Variants in LHFPL2 observed in about 807,000 individuals in gnomAD.
The protein encoded by LHFPL2 is LHFPL tetraspan subfamily member 2 protein.
In LHFPL2, 7 loss-of-function variants were observed where a neutral mutation model predicts 17.5. The observed-to-expected ratio is 0.40, with a 90% confidence interval of 0.23 to 0.75. The LOEUF is 0.75. LHFPL2 is among the 30% of genes least tolerant of loss of function. The pLI, the probability that LHFPL2 is intolerant of heterozygous loss-of-function variation, is 0.37. For synonymous variants in LHFPL2, 134 were observed against 116.2 expected (o/e 1.15, Z -0.99); for missense variants, 241 against 294.8 (o/e 0.82, Z 1.34).
At position 78,532,588 on chromosome 5, in the gene LHFPL2, T is replaced by A. The variant is rs141950564; in HGVS notation, c.-185-22190A>T. On this transcript the variant is annotated intron_variant, in intron 3 of 4. Coordinates refer to ENST00000380345, the MANE Select transcript of LHFPL2 (RefSeq NM_005779.3). ...ACCTGGAAACAACAAAACTTTTAATTTGTTTAAAGCACCATCATTAGGTTT... is the reference window on the plus strand; with the variant it reads ...ACCTGGAAACAACAAAACTTTTAATATGTTTAAAGCACCATCATTAGGTTT... Among the ~76,000 whole-genome samples, 332 of 152,248 alleles carry A rather than the reference T, an allele frequency of 2.2e-3. 1 individual carries two copies. Among genetic ancestry groups the A allele is most frequent in the African/African-American group, 7.6e-3 (314 of 41,560 alleles).
intron 3 of LHFPL2, among the ~76,000 whole-genome samples, chr5:78,512,926 T>C (rs1173462979): frequency 1.3e-5 from 2 of 152,056 alleles, no homozygotes; most frequent in African/African-American, 4.8e-5. Flanking sequence ...GGCTAAATTT[T>C]TGTATTTTTA....
At position 78,543,620 on chromosome 5, in the gene LHFPL2, G is replaced by C. The variant is rs577806842; in HGVS notation, c.-186+21193C>G. 2.0e-5 allele frequency among the ~76,000 whole-genome samples: 3 copies of C among 152,252 alleles called. No individual in the cohort carries two copies. The East Asian group carries it at 5.8e-4, about 29-fold the overall frequency. On this transcript the variant is annotated intron_variant, in intron 3 of 4. Coordinates refer to ENST00000380345, the MANE Select transcript of LHFPL2 (RefSeq NM_005779.3). The stretch of plus-strand genomic sequence containing the variant: ...CTGGCCTTCTGGCTGCAGGGATGAG[G>C]TCAGGAGCCAGCAAAGCCCAGGGCA...
chr5:78,572,981 T>C (rs1259747664), intron 2 of LHFPL2, among the ~76,000 whole-genome samples: 1 of 152,212 alleles, frequency 6.6e-6, no homozygotes, highest in Non-Finnish European at 1.5e-5. Context: ...ATGCTGCTGC[T>C]GAGCTGACAG....
chr5:78,585,840 TGGGTTG>T (rs1183111792), intron 2 of LHFPL2, among the ~76,000 whole-genome samples: 1 of 151,982 alleles, frequency 6.6e-6, no homozygotes, highest in African/African-American at 2.4e-5. Flanking sequence ...ATGGGGAGAC[TGGGTTG>T]GGGTTGGGGT....
intron 4 of LHFPL2, among the ~76,000 whole-genome samples, 196 bp downstream of exon 4, chr5:78,509,588 G>C (rs552535665): frequency 5.4e-4 from 82 of 152,340 alleles, no homozygotes; most frequent in African/African-American, 1.9e-3. Flanking sequence ...TCTTCCTGTG[G>C]GGTAAGACAG....
chr5:78,553,133 T>C (rs557264061), intron 3 of LHFPL2, among the ~76,000 whole-genome samples: 7 of 152,278 alleles, frequency 4.6e-5, no homozygotes, highest in African/African-American at 1.7e-4. Context: ...CAAGGTGACC[T>C]CTCCTGCCTA....
chr5:78,519,320 C>G (rs1181551179), intron 3 of LHFPL2, among the ~76,000 whole-genome samples: 2 of 152,216 alleles, frequency 1.3e-5, no homozygotes, highest in Non-Finnish European at 2.9e-5. Flanking sequence ...TTTCTCACAG[C>G]CCTGATCACT....
chr5:78,541,398 C>T (rs933566899), intron 3 of LHFPL2, among the ~76,000 whole-genome samples: 1 of 152,196 alleles, frequency 6.6e-6, no homozygotes, highest in African/African-American at 2.4e-5. Context: ...TCCTGAATTA[C>T]CCAAAGCGCA....
chr5:78,521,534 T>A lies in LHFPL2; in HGVS notation c.-185-11136A>T, dbSNP rs72760980. On this transcript the variant is annotated intron_variant, in intron 3 of 4. Transcript: ENST00000380345. Reference sequence around the variant, plus strand: ...CACCATGGATAGATTTAAATTTTTTTAAAAAAATTTTGCCTCCCATGCTGT... The same window carrying A: ...CACCATGGATAGATTTAAATTTTTTAAAAAAAATTTTGCCTCCCATGCTGT... Among the ~76,000 whole-genome samples the A allele has an allele frequency of 7.9e-3, 1,205 of 152,352 alleles. 13 individuals are homozygous for A. The highest frequency in any genetic ancestry group is 0.011 in the Non-Finnish European group (728 of 68,030).
chr5:78,634,480 C>G (rs947865631), intron 1 of LHFPL2, among the ~76,000 whole-genome samples: 2 of 152,244 alleles, frequency 1.3e-5, no homozygotes, highest in Non-Finnish European at 2.9e-5. Context: ...GGCTTCCCCA[C>G]CTGCCCCTGT....
intron 2 of LHFPL2, among the ~76,000 whole-genome samples, chr5:78,614,285 A>T (rs940541609): frequency 2.0e-5 from 3 of 152,244 alleles, no homozygotes; most frequent in Non-Finnish European, 4.4e-5. Context: ...GGTCCAACAG[A>T]CAAATGCTAC....
intron 3 of LHFPL2, among the ~76,000 whole-genome samples, chr5:78,559,460 G>C (rs946669413): frequency 6.6e-6 from 1 of 152,206 alleles, no homozygotes; most frequent in African/African-American, 2.4e-5. Flanking sequence ...ACCCCTGCTG[G>C]AGAGAAGCCC....
chr5:78,582,779 A>G (rs1743195935), intron 2 of LHFPL2, among the ~76,000 whole-genome samples: 1 of 152,122 alleles, frequency 6.6e-6, no homozygotes, highest in South Asian at 2.1e-4. Context: ...TGGGGTGTAG[A>G]GCTCTGTAGA....
chr5:78,608,931 CAAA>C (rs879783916), intron 2 of LHFPL2, among the ~76,000 whole-genome samples: 1 of 87,068 alleles, frequency 1.1e-5, no homozygotes. Flanking sequence ...GACTCCATCT[CAAA>C]AAAAAAAAAA....
chr5:78,605,437 C>G (rs1744180756), intron 2 of LHFPL2, among the ~76,000 whole-genome samples: 1 of 152,186 alleles, frequency 6.6e-6, no homozygotes, highest in African/African-American at 2.4e-5. Context: ...GGCGACTCCT[C>G]TGTGCCACCA....
At chr5:78,571,589 G>A (rs1246557395) in intron 2 of LHFPL2, among the ~76,000 whole-genome samples, 1 of 152,124 alleles carries the variant, frequency 6.6e-6, no homozygotes, top group Non-Finnish European at 1.5e-5. Flanking sequence ...GACCAAAACA[G>A]TCCTTGACTG....
chr5:78,577,339 T>C (rs1052167526), intron 2 of LHFPL2, among the ~76,000 whole-genome samples: 1 of 152,226 alleles, frequency 6.6e-6, no homozygotes, highest in African/African-American at 2.4e-5. Context: ...TTAAGTGACC[T>C]AATTTTTATG....
intron 2 of LHFPL2, among the ~76,000 whole-genome samples, chr5:78,597,539 G>T (rs1312061800): frequency 2.6e-5 from 4 of 152,190 alleles, no homozygotes; most frequent in African/African-American, 9.7e-5. Context: ...TGGGAGAGTG[G>T]TGAACTGACG....
intron 2 of LHFPL2, among the ~76,000 whole-genome samples, chr5:78,607,027 T>C (rs1252038585): frequency 6.6e-6 from 1 of 152,096 alleles, no homozygotes; most frequent in Non-Finnish European, 1.5e-5. Context: ...GCAGCCTAAG[T>C]GCTGGGTGTA....
Sources: gnomAD v4.1 joint callset for allele counts (sites outside exome capture counted in the v4.1 genomes callset) on GRCh38, gnomAD v4.1.1 for gene constraint, MANE v1.5 for transcripts, NCBI Gene and HGNC (gene_info 2026-07-23, HGNC 2026-07-21) for gene names.